Variants in KIF1B observed in about 807,000 individuals in gnomAD.
KIF1B encodes kinesin-like protein KIF1B.
Under a neutral mutation model 241.9 loss-of-function variants are expected in KIF1B, and 76 were observed. The observed-to-expected ratio is 0.31, with a 90% confidence interval of 0.26 to 0.38. The LOEUF is 0.38. Among genes scored for constraint, KIF1B ranks in the 10% least tolerant of loss-of-function variants. The pLI is 1.00. For synonymous variants in KIF1B, 750 were observed against 796.7 expected (o/e 0.94, Z 0.99); for missense variants, 1,622 against 2,271.4 (o/e 0.71, Z 5.81).
At chr1:10,333,928 G>A (rs971127883) in intron 27 of KIF1B, among the ~76,000 whole-genome samples, 1 of 151,782 alleles carries the variant, frequency 6.6e-6, no homozygotes, top group African/African-American at 2.4e-5. Flanking sequence ...CGAGGCGGGT[G>A]GATCACAAGG....
intron 1 of KIF1B, among the ~76,000 whole-genome samples, chr1:10,219,646 T>A (rs1388988847): frequency 2.0e-5 from 3 of 151,452 alleles, no homozygotes; most frequent in Non-Finnish European, 4.4e-5. Flanking sequence ...TAATCCCAGC[T>A]ACTCGGGAGG....
chr1:10,318,644 G>A (rs1486818396), intron 22 of KIF1B, among the ~76,000 whole-genome samples: 2 of 152,084 alleles, frequency 1.3e-5, no homozygotes, highest in Non-Finnish European at 1.5e-5. Flanking sequence ...GCTTGAACCC[G>A]GGAGGTGGAT....
At position 10,252,869 on chromosome 1, in the gene KIF1B, G is replaced by A. The variant is rs568772568; in HGVS notation, c.107-3378G>A. 5.1e-4 allele frequency among the ~76,000 whole-genome samples: 78 copies of A among 151,984 alleles called. 1 individual carries two copies. The South Asian group carries it at 0.015, about 30-fold the overall frequency. On this transcript the variant is annotated intron_variant, in intron 2 of 48. Transcript: ENST00000676179. ...CTCCCGAGTAGCTGGGATTACAGGC[G>A]TGCCCCACCACGCTGCACTGATTTT...
At chr1:10,284,563 G>C (rs889204494) in intron 15 of KIF1B, among the ~76,000 whole-genome samples, 17 of 152,114 alleles carry the variant, frequency 1.1e-4, no homozygotes, top group African/African-American at 4.1e-4. Context: ...GCACACGCCT[G>C]TAATCCCAGC....
intron 32 of KIF1B, 83 bp from the exon 33 acceptor site, chr1:10,341,967 A>T (rs550144336): frequency 2.1e-6 from 2 of 963,870 alleles, no homozygotes; most frequent in Admixed American, 4.0e-5. Context: ...AAAAAAAAAA[A>T]ACCCAAAATA....
chr1:10,324,735 T>A (rs776814093), intron 25 of KIF1B, 23 bp from the exon 26 acceptor site: 1 of 1,613,424 alleles, frequency 6.2e-7, no homozygotes, highest in Non-Finnish European at 8.5e-7. Context: ...ATTAACCCAA[T>A]GTGCTTTGTG....
At position 10,326,276 on chromosome 1, in the gene KIF1B, A is replaced by G. The variant is rs1446508518; in HGVS notation, c.2841A>G (p.Ala947=). The change falls in exon 27 of 49, where the codon GCA becomes GCG. Residue 947 remains alanine, a synonymous_variant. Coordinates refer to ENST00000676179, the MANE Select transcript of KIF1B (RefSeq NM_001365951.3). This position sits in a 1 kb window ranked among gnomAD's most constrained non-coding sequence, Gnocchi z 5.2. The stretch of plus-strand genomic sequence containing the variant: ...TCGTGGATGACGCCGGCTCTGACGC[A>G]GGGACGGAGGAGGGATCAGATCTCT... ...EAFVDDAGSD[A]GTEEGSDLFS... The G allele has an allele frequency of 6.2e-7, 1 of 1,614,070 alleles. No individual in the cohort carries two copies. The highest frequency in any genetic ancestry group is 1.3e-5 in the African/African-American group (1 of 74,926).
chr1:10,244,094 C>T (rs955606755), intron 2 of KIF1B, among the ~76,000 whole-genome samples: 3 of 151,768 alleles, frequency 2.0e-5, no homozygotes. Context: ...GTACATTTAT[C>T]CCTGTTTTAT....
chr1:10,238,594 A>G (rs550585075), intron 2 of KIF1B, among the ~76,000 whole-genome samples: 2 of 151,588 alleles, frequency 1.3e-5, no homozygotes, highest in Non-Finnish European at 2.9e-5. Context: ...GGTTGCAGCT[A>G]CTCCAGAGCT....
chr1:10,240,958 G>GT (rs1294661257), intron 2 of KIF1B, among the ~76,000 whole-genome samples: 1 of 151,982 alleles, frequency 6.6e-6, no homozygotes, highest in Non-Finnish European at 1.5e-5. Context: ...TTCATCCTCT[G>GT]TTATCAGACA....
intron 2 of KIF1B, among the ~76,000 whole-genome samples, chr1:10,241,289 C>T (rs1040828735): frequency 2.6e-5 from 4 of 151,430 alleles, no homozygotes; most frequent in African/African-American, 4.8e-5. Flanking sequence ...TTTTTTGGAG[C>T]GATGGAGTCT....
In KIF1B at chr1:10,214,232, G is replaced by A. The variant is rs7551816; in HGVS notation, c.-80+3354G>A. ...CATTACCCATTAACTGAGGGTGCATGTAGAGATTTAGTTCTTTACCTTCCA... is the reference window on the plus strand; with the variant it reads ...CATTACCCATTAACTGAGGGTGCATATAGAGATTTAGTTCTTTACCTTCCA... On this transcript the variant is annotated intron_variant, in intron 1 of 48. Coordinates refer to ENST00000676179, the MANE Select transcript of KIF1B (RefSeq NM_001365951.3). Among the ~76,000 whole-genome samples the A allele has an allele frequency of 9.1e-3, 1,378 of 152,102 alleles. 19 individuals carry two copies. Among genetic ancestry groups the A allele is most frequent in the African/African-American group, 0.031 (1,279 of 41,516 alleles).
Position 10,379,008 on chromosome 1 carries a change from C to T in KIF1B, c.*2421C>T, listed in dbSNP as rs920550989. ...GTCTGATGGACACAATATGCCCTTC[C>T]GGTTCTATTCAAACCAGCAGGATCT... is the stretch of plus-strand genomic sequence containing the variant. On this transcript the variant is annotated 3_prime_UTR_variant, in exon 49 of 49. Transcript: ENST00000676179. 1.3e-5 allele frequency: 3 copies of T among 231,304 alleles called. No homozygotes were observed. The highest frequency in any genetic ancestry group is 2.2e-5 in the African/African-American group (1 of 45,224). 14.3% of individuals were successfully genotyped at this position (231,304 alleles called of 1,614,324 possible).
intron 10 of KIF1B, among the ~76,000 whole-genome samples, chr1:10,273,647 G>T (rs187143945): frequency 7.2e-6 from 1 of 139,848 alleles, no homozygotes; most frequent in Admixed American, 7.7e-5. Flanking sequence ...TGATGATGTG[G>T]ACATATTTAA....
intron 2 of KIF1B, among the ~76,000 whole-genome samples, chr1:10,249,999 T>TG (rs1323571810): frequency 6.6e-6 from 1 of 152,242 alleles, no homozygotes; most frequent in Non-Finnish European, 1.5e-5. Context: ...TTTGTGGAGA[T>TG]GGGGTCTCAC....
intron 22 of KIF1B, among the ~76,000 whole-genome samples, chr1:10,318,984 A>G (rs2102292742): frequency 6.6e-6 from 1 of 151,768 alleles, no homozygotes; most frequent in Non-Finnish European, 1.5e-5. Flanking sequence ...AAAGACTAAG[A>G]TTTTTTTCAT....
chr1:10,265,108 C>G lies in KIF1B; in HGVS notation c.430-2272C>G, dbSNP rs562307074. 4.7e-4 allele frequency among the ~76,000 whole-genome samples: 72 copies of G among 152,208 alleles called. 2 individuals are homozygous for G. The South Asian group carries it at 0.015, about 31-fold the overall frequency. Reference sequence around the variant, plus strand: ...TCAGCCTCCTGAGTAATTTGCACCACAGGCATGTGCCACAGTGTGTGGCTC... The same window carrying G: ...TCAGCCTCCTGAGTAATTTGCACCAGAGGCATGTGCCACAGTGTGTGGCTC... On this transcript the variant is annotated intron_variant, in intron 5 of 48. Transcript: ENST00000676179.
At position 10,361,912 on chromosome 1, in the gene KIF1B, C is replaced by G; in HGVS notation, c.4304+87C>G. The G allele has an allele frequency of 2.0e-6, 3 of 1,494,346 alleles. No individual in the cohort carries two copies. In the Admixed American group the frequency reaches 5.0e-5, roughly 25 times the overall value. 92.6% of individuals were successfully genotyped at this position (1,494,346 alleles called of 1,614,324 possible). A position where few individuals can be genotyped will look rare whatever the true frequency, so the allele number is the denominator to read the frequency against. On this transcript the variant is annotated intron_variant, in intron 40 of 48. Transcript: ENST00000676179. ...CTTAAGTATTCTCGGCTTACTGTCT[C>G]ACGGTTAGTTTACAGTTTATGAACC...
At chr1:10,278,819 A>G (rs576041500) in intron 13 of KIF1B, 1 of 388,342 alleles carries the variant, frequency 2.6e-6, no homozygotes, top group Non-Finnish European at 4.7e-6. Context: ...AGAATATGGT[A>G]GAATATGGGT....
Sources: allele counts gnomAD v4.1 joint callset (sites outside exome capture counted in the v4.1 genomes callset), GRCh38; gene constraint gnomAD v4.1.1; non-coding constraint Gnocchi (gnomAD v3.1); transcripts MANE v1.5; gene names NCBI Gene and HGNC (gene_info 2026-07-23, HGNC 2026-07-21).